EGFL7: variants seen among roughly 807,000 people sequenced by gnomAD.
EGFL7 encodes the protein epidermal growth factor-like protein 7.
In EGFL7, 48 loss-of-function variants were observed where a neutral mutation model predicts 37.1. The observed-to-expected ratio is 1.29, with a 90% CI of 1.03 to 1.65. The LOEUF (loss-of-function observed/expected upper bound fraction) is 1.65. EGFL7 is among the 40% of genes most tolerant of loss of function. The pLI, the probability that EGFL7 is intolerant of heterozygous loss-of-function variation, is 0.00. For synonymous variants in EGFL7, 180 were observed against 156.8 expected, an observed-to-expected ratio of 1.15 and a Z score of -1.10; for missense variants, 384 against 378.9, an observed-to-expected ratio of 1.01 and a Z score of -0.11.
intron 7 of EGFL7, 65 bp downstream of exon 7, chr9:136,670,074 G>C: frequency 6.3e-7 from 1 of 1,599,932 alleles, no homozygotes; most frequent in Non-Finnish European, 8.5e-7. Flanking sequence ...ATGTCCTGGG[G>C]TTACTGCTGG....
chr9:136,667,397 C>T (rs1020404593), intron 3 of EGFL7, among the ~76,000 whole-genome samples: 2 of 152,208 alleles, frequency 1.3e-5, no homozygotes, highest in African/African-American at 4.8e-5. Context: ...GGTCTCCAGA[C>T]CCCTGGCTGC....
chr9:136,668,295 C>G lies in EGFL7; in HGVS notation c.13C>G (p.Gln5Glu). 6.2e-7 allele frequency: 1 copy of G among 1,607,120 alleles called. No homozygotes were observed. Among genetic ancestry groups the G allele is most frequent in the African/African-American group, 1.3e-5 (1 of 74,972 alleles). Residue 5 changes from glutamine to glutamate, a missense_variant, in exon 4 of 11, where the codon CAG becomes GAG. Transcript: ENST00000308874. ...GGAGGCACAGGCCATGAGGGGCTCT[C>G]AGGAGGTGCTGCTGATGTGGCTTCT... MRGS[Q>E]EVLLMWLLVL...
In EGFL7 at chr9:136,666,382, A is replaced by G. The variant is rs28758526; in HGVS notation, c.-43+1597A>G. Among the ~76,000 whole-genome samples, 90,255 of 151,060 alleles carry G rather than the reference A, an allele frequency of 0.6. 27,723 individuals carry two copies. The highest frequency in any genetic ancestry group is 0.85 in the East Asian group (4,269 of 5,028). On this transcript the variant is annotated intron_variant, in intron 3 of 10. Transcript: ENST00000308874. The surrounding 1 kb of genome is among the most constrained non-coding windows in gnomAD (Gnocchi z 6.8). ...GGGGGCTGCGGGGCTGCTGCCGGGC[A>G]GGTGGGGAGGGAGCCCGTGGGCGCT...
intron 6 of EGFL7, 66 bp downstream of exon 6, chr9:136,669,787 C>A: frequency 6.9e-7 from 1 of 1,455,064 alleles, no homozygotes; most frequent in Non-Finnish European, 9.3e-7. Flanking sequence ...TCCAGCAACG[C>A]TCCTGCTGCT....
In EGFL7 at chr9:136,666,266, C is replaced by T. The variant is rs1845468819; in HGVS notation, c.-43+1481C>T. On this transcript the variant is annotated intron_variant, in intron 3 of 10. Coordinates refer to ENST00000308874, the MANE Select transcript of EGFL7 (RefSeq NM_016215.5). This position sits in a 1 kb window ranked among gnomAD's most constrained non-coding sequence, Gnocchi z 6.8. ...TCTGCGCCCTCCCTCGTGGGCCCCG[C>T]GGTCCCCAGCCCTGCTCCCGCCGCG... is the stretch of plus-strand genomic sequence containing the variant. Among the ~76,000 whole-genome samples, 1 of 151,602 alleles carries T rather than the reference C, an allele frequency of 6.6e-6. No individual in the cohort carries two copies. The highest frequency in any genetic ancestry group is 1.5e-5 in the Non-Finnish European group (1 of 67,818).
chr9:136,670,918 G>C lies in EGFL7; in HGVS notation c.572-32G>C, dbSNP rs112827976. 122 of 1,547,306 alleles carry C rather than the reference G, an allele frequency of 7.9e-5. 1 individual carries two copies. The African/African-American group carries it at 9.5e-4, about 12-fold the overall frequency. On this transcript the variant is annotated intron_variant, in intron 8 of 10. Coordinates refer to ENST00000308874, the MANE Select transcript of EGFL7 (RefSeq NM_016215.5). ...TGGGGGTGTGGGTGGGGAGCCGGCCGGCCGTGACCCAGCGCCTGGCTCTGC... is the reference window on the plus strand; with the variant it reads ...TGGGGGTGTGGGTGGGGAGCCGGCCCGCCGTGACCCAGCGCCTGGCTCTGC...
At chr9:136,661,249 G>A (rs1201053724), upstream of EGFL7, among the ~76,000 whole-genome samples, 2 of 152,282 alleles carry the variant, frequency 1.3e-5, no homozygotes, top group East Asian at 3.9e-4. Context: ...CAGCCTGGGG[G>A]ACTGGGCCCG....
chr9:136,667,418 GA>G (rs2119114851), intron 3 of EGFL7, among the ~76,000 whole-genome samples: 2 of 152,322 alleles, frequency 1.3e-5, no homozygotes, highest in East Asian at 3.9e-4. Flanking sequence ...GCATAGGACA[GA>G]ATCCCCATCC....
Position 136,672,392 on chromosome 9 carries a change from G to T in EGFL7, c.*106G>T. On this transcript the variant is annotated 3_prime_UTR_variant, in exon 11 of 11. Coordinates refer to ENST00000308874, the MANE Select transcript of EGFL7 (RefSeq NM_016215.5). ...AGAAACCACCTCGGGGTGACTGAGC[G>T]GAAGGCCAGGCAGGGCCTTCCTCCT... is the stretch of plus-strand genomic sequence containing the variant. 1 of 1,442,642 alleles carries T rather than the reference G, an allele frequency of 6.9e-7. No individual in the cohort carries two copies. Among genetic ancestry groups the T allele is most frequent in the Admixed American group, 1.7e-5 (1 of 57,460 alleles). The allele number at this position is 1,442,642 out of a possible 1,614,324, so 89.4% of individuals were successfully genotyped here. A position where few individuals can be genotyped will look rare whatever the true frequency, so the allele number is the denominator to read the frequency against.
chr9:136,664,235 AG>A (rs1845322841), intron 2 of EGFL7, among the ~76,000 whole-genome samples: 2 of 152,194 alleles, frequency 1.3e-5, no homozygotes, highest in African/African-American at 4.8e-5. Context: ...CCCCTGGTCC[AG>A]AGCAGTGGCC....
intron 9 of EGFL7, 25 bp downstream of exon 9, chr9:136,671,039 GGGGC>G: frequency 2.0e-6 from 2 of 1,015,114 alleles, no homozygotes; most frequent in Non-Finnish European, 2.7e-6. Flanking sequence ...GGGGGGGGGG[GGGGC>G]AGGCAGTCCA....
At chr9:136,663,989 A>G (rs1845302085) in intron 2 of EGFL7, among the ~76,000 whole-genome samples, 2 of 152,156 alleles carry the variant, frequency 1.3e-5, no homozygotes, top group African/African-American at 4.8e-5. Context: ...GGGTTAAGTG[A>G]CCGCAGATCC....
intron 5 of EGFL7, 97 bp downstream of exon 5, chr9:136,668,770 C>A: frequency 8.9e-7 from 1 of 1,121,438 alleles, no homozygotes; most frequent in Non-Finnish European, 1.3e-6. Context: ...ATCCTGGGAC[C>A]CAAGATGGGA....
chr9:136,665,450 C>T (rs1845397877), intron 3 of EGFL7, among the ~76,000 whole-genome samples: 1 of 152,242 alleles, frequency 6.6e-6, no homozygotes, highest in African/African-American at 2.4e-5. Flanking sequence ...GGGCCCGCAG[C>T]CCCGTCAGTG....
intron 9 of EGFL7, among the ~76,000 whole-genome samples, chr9:136,671,596 C>T (rs1845906284): frequency 1.3e-5 from 2 of 151,678 alleles, no homozygotes; most frequent in Non-Finnish European, 2.9e-5. Context: ...GAGCCTGGAC[C>T]CAGACGAGAC....
intron 9 of EGFL7, among the ~76,000 whole-genome samples, chr9:136,671,581 A>G (rs1364446593): frequency 6.8e-6 from 1 of 148,142 alleles, no homozygotes; most frequent in Non-Finnish European, 1.5e-5. Flanking sequence ...CCCAGACAAT[A>G]CACAGAGCCT....
rs117990760 is a variant in EGFL7, at chr9:136,669,679, G to A, written c.271G>A (p.Gly91Ser). The change falls in exon 6 of 11, where the codon GGC becomes AGC. Residue 91 changes from glycine (G) to serine (S), a missense_variant. Coordinates refer to ENST00000308874, the MANE Select transcript of EGFL7 (RefSeq NM_016215.5). ...PARPRYACCPGWKRTSGLPGA... is the reference protein window; with the variant it reads ...PARPRYACCPSWKRTSGLPGA... ...CAGGCCTCGCTACGCGTGCTGCCCC[G>A]GCTGGAAGAGGACCAGCGGGCTTCC... 50 of 1,607,460 alleles carry A rather than the reference G, an allele frequency of 3.1e-5. No individual in the cohort carries two copies. Among genetic ancestry groups the A allele is most frequent in the East Asian group, 1.1e-4 (5 of 44,696 alleles).
At chr9:136,665,989 C>G (rs1845446168) in intron 3 of EGFL7, among the ~76,000 whole-genome samples, 1 of 143,784 alleles carries the variant, frequency 7.0e-6, no homozygotes, top group East Asian at 2.0e-4. Flanking sequence ...CGGAGCGGGC[C>G]GGGGCGCCCG....
At chr9:136,669,459 G>A (rs1845694038) in intron 5 of EGFL7, 147 bp from the exon 6 acceptor site, 14 of 625,670 alleles carry the variant, frequency 2.2e-5, no homozygotes, top group Middle Eastern at 5.4e-4. Flanking sequence ...CGGCTGTGCA[G>A]TGACCCCTCA....
Sources: gnomAD v4.1 joint callset for allele counts (sites outside exome capture counted in the v4.1 genomes callset) on GRCh38, gnomAD v4.1.1 for gene constraint, Gnocchi (gnomAD v3.1) non-coding constraint, MANE v1.5 for transcripts, NCBI Gene and HGNC (gene_info 2026-07-23, HGNC 2026-07-21) for gene names.